Variants in CACHD1 observed in about 807,000 individuals in gnomAD.
CACHD1 encodes cache domain containing 1, also known as VWFA and cache domain-containing protein 1.
A neutral mutation model predicts 138.7 loss-of-function variants in CACHD1; 71 were observed. The ratio of observed to expected loss-of-function variants is 0.51; its 90% confidence interval spans 0.42 to 0.62. The LOEUF (loss-of-function observed/expected upper bound fraction) is 0.62, where lower values mean the gene tolerates loss of function less well. CACHD1 is among the 20% of genes least tolerant of loss of function. The probability of loss-of-function intolerance (pLI) is 0.00; values close to 1 mark genes in which losing one functional copy is unlikely to be tolerated. For missense variants in CACHD1, 1,389 were observed against 1,625.3 expected (o/e 0.85, Z 2.50); for synonymous variants, 578 against 591.5 (o/e 0.98, Z 0.33).
chr1:64,608,318 AG>A (rs1647404112), intron 4 of CACHD1, among the ~76,000 whole-genome samples: 1 of 152,156 alleles, frequency 6.6e-6, no homozygotes, highest in Non-Finnish European at 1.5e-5. Context: ...GTGACCTCAG[AG>A]TTCCCCCTTT....
intron 4 of CACHD1, among the ~76,000 whole-genome samples, chr1:64,612,735 G>A (rs1253522586): frequency 6.6e-6 from 1 of 152,162 alleles, no homozygotes; most frequent in East Asian, 1.9e-4. Flanking sequence ...CATTGACAGT[G>A]CACCTGGTCA....
At chr1:64,504,894 G>A (rs180893018) in intron 1 of CACHD1, among the ~76,000 whole-genome samples, 265 of 152,268 alleles carry the variant, frequency 1.7e-3, no homozygotes, top group Non-Finnish European at 3.1e-3. Flanking sequence ...AAGACGGTGC[G>A]AGGATGTACA....
intron 8 of CACHD1, among the ~76,000 whole-genome samples, chr1:64,643,618 C>G (rs779603784): frequency 6.6e-6 from 1 of 152,114 alleles, no homozygotes; most frequent in Non-Finnish European, 1.5e-5. Context: ...GGGCGGATCA[C>G]GAGGTCAGGA....
chr1:64,508,432 A>ATT (rs2100341529), intron 1 of CACHD1, among the ~76,000 whole-genome samples: 1 of 152,336 alleles, frequency 6.6e-6, no homozygotes, highest in African/African-American at 2.4e-5. Flanking sequence ...ATAGCACTGG[A>ATT]TTTAGCAGGG....
chr1:64,691,273 G>A (rs367830375), intron 26 of CACHD1, 50 bp from the exon 27 acceptor site: 5 of 1,549,762 alleles, frequency 3.2e-6, no homozygotes, highest in Non-Finnish European at 4.4e-6. Context: ...GAAATCTTCT[G>A]TCTGCGTCTT....
intron 4 of CACHD1, among the ~76,000 whole-genome samples, chr1:64,617,823 A>G (rs979503131): frequency 5.3e-5 from 8 of 152,244 alleles, no homozygotes; most frequent in African/African-American, 1.9e-4. Context: ...TCATGCCTGT[A>G]ATCCCAATAC....
intron 1 of CACHD1, among the ~76,000 whole-genome samples, chr1:64,499,946 A>C (rs1030733267): frequency 2.0e-5 from 3 of 152,224 alleles, no homozygotes; most frequent in East Asian, 1.9e-4. Context: ...AACACAGAAG[A>C]AGCTAAGAAC....
rs1317160096 is a variant in CACHD1, at chr1:64,684,126, C to T, written c.3586+2020C>T. Among the ~76,000 whole-genome samples, 6 of 152,122 alleles carry T rather than the reference C, an allele frequency of 3.9e-5. No homozygotes were observed. The East Asian group carries it at 1.2e-3, about 29-fold the overall frequency. On this transcript the variant is annotated intron_variant, in intron 26 of 26. Transcript: ENST00000651257. Reference sequence around the variant, plus strand: ...GATCCTGACCCTGTGTAGGCCTGGGCTAATGTGTGTGTTTGTGTCTTAGTT... The same window carrying T: ...GATCCTGACCCTGTGTAGGCCTGGGTTAATGTGTGTGTTTGTGTCTTAGTT...
At chr1:64,564,407 C>A (rs1646865234) in intron 2 of CACHD1, among the ~76,000 whole-genome samples, 1 of 152,128 alleles carries the variant, frequency 6.6e-6, no homozygotes, top group Non-Finnish European at 1.5e-5. Flanking sequence ...AAGCCCCAAG[C>A]CCTGATGCCT....
chr1:64,589,972 C>G (rs965322096), intron 3 of CACHD1, among the ~76,000 whole-genome samples: 1 of 152,056 alleles, frequency 6.6e-6, no homozygotes, highest in African/African-American at 2.4e-5. Flanking sequence ...TAAACTCTCA[C>G]AGAACTTTCT....
intron 1 of CACHD1, among the ~76,000 whole-genome samples, chr1:64,534,126 C>T (rs538340525): frequency 6.6e-6 from 1 of 151,672 alleles, no homozygotes; most frequent in Non-Finnish European, 1.5e-5. Context: ...TCACTGCAAC[C>T]CCTGCCTCCT....
At chr1:64,684,080 A>G (rs1396252008) in intron 26 of CACHD1, among the ~76,000 whole-genome samples, 3 of 152,226 alleles carry the variant, frequency 2.0e-5, no homozygotes, top group Middle Eastern at 3.4e-3. Context: ...AAAAATTTCT[A>G]TTGCCTAGTG....
At chr1:64,663,562 AAAAG>A in intron 13 of CACHD1, 129 bp from the exon 14 acceptor site, 1 of 1,208,148 alleles carries the variant, frequency 8.3e-7, no homozygotes, top group Non-Finnish European at 1.2e-6. Context: ...AAAAAAAAAA[AAAAG>A]AAAAAAAGGA....
chr1:64,542,594 C>G (rs1431724514), intron 1 of CACHD1, among the ~76,000 whole-genome samples: 3 of 151,910 alleles, frequency 2.0e-5, no homozygotes, highest in African/African-American at 7.3e-5. Flanking sequence ...GTTATATATT[C>G]AATTTTAAGA....
intron 1 of CACHD1, among the ~76,000 whole-genome samples, chr1:64,533,078 A>G (rs996357104): frequency 1.3e-5 from 2 of 152,228 alleles, no homozygotes; most frequent in Non-Finnish European, 2.9e-5. Context: ...TTGCAGGGCC[A>G]GGCATGGTGG....
chr1:64,641,342 A>C (rs570697720), intron 7 of CACHD1, among the ~76,000 whole-genome samples: 1 of 152,174 alleles, frequency 6.6e-6, no homozygotes, highest in Non-Finnish European at 1.5e-5. Flanking sequence ...TTACCTAAAG[A>C]TATTTAGTCT....
chr1:64,597,595 A>C (rs1430362629), intron 3 of CACHD1, among the ~76,000 whole-genome samples: 2 of 142,330 alleles, frequency 1.4e-5, no homozygotes, highest in African/African-American at 5.4e-5. Flanking sequence ...CTTGAAACTG[A>C]ATTTCAGACA....
intron 26 of CACHD1, among the ~76,000 whole-genome samples, chr1:64,685,334 A>G (rs547473548): frequency 6.6e-6 from 1 of 152,290 alleles, no homozygotes; most frequent in South Asian, 2.1e-4. Context: ...TAGGTTTGTG[A>G]AAGTACACTC....
intron 4 of CACHD1, among the ~76,000 whole-genome samples, chr1:64,616,438 C>T (rs976461436): frequency 1.3e-5 from 2 of 152,158 alleles, no homozygotes; most frequent in African/African-American, 2.4e-5. Context: ...GAACCCTGGG[C>T]ACTTGACCCA....
Sources: gnomAD v4.1 joint callset for allele counts (sites outside exome capture counted in the v4.1 genomes callset) on GRCh38, gnomAD v4.1.1 for gene constraint, MANE v1.5 for transcripts, NCBI Gene and HGNC (gene_info 2026-07-23, HGNC 2026-07-21) for gene names.